TGFA: variants seen among roughly 807,000 people sequenced by gnomAD.
TGFA encodes the protein transforming growth factor alpha.
TGFA carries 12 observed loss-of-function variants against 21.7 expected under a neutral mutation model. The ratio of observed to expected loss-of-function variants is 0.55; its 90% CI spans 0.35 to 0.90. The LOEUF (loss-of-function observed/expected upper bound fraction) is 0.90. TGFA is among the 40% of genes least tolerant of loss of function. The probability of loss-of-function intolerance (pLI) is 0.01; values close to 1 mark genes in which losing one functional copy is unlikely to be tolerated. For synonymous variants in TGFA, 79 were observed against 88.1 expected, an observed-to-expected ratio of 0.90 and a Z score of 0.58; for missense variants, 178 against 210.8, an observed-to-expected ratio of 0.84 and a Z score of 0.96.
At chr2:70,542,299 C>G (rs1673157153) in intron 1 of TGFA, among the ~76,000 whole-genome samples, 2 of 152,132 alleles carry the variant, frequency 1.3e-5, no homozygotes, top group African/African-American at 4.8e-5. Flanking sequence ...CAGTTAATCT[C>G]CTATGCCTCT....
intron 1 of TGFA, 126 bp downstream of exon 1, chr2:70,553,602 T>C: frequency 7.6e-7 from 1 of 1,317,058 alleles, no homozygotes. Context: ...GCCAACCCAT[T>C]GAGACTACTC....
At chr2:70,473,060 G>A (rs1267621210) in intron 2 of TGFA, among the ~76,000 whole-genome samples, 2 of 152,154 alleles carry the variant, frequency 1.3e-5, no homozygotes, top group African/African-American at 2.4e-5. Flanking sequence ...CTGGCGGGGG[G>A]TATAAATCTG....
intron 2 of TGFA, among the ~76,000 whole-genome samples, chr2:70,496,794 C>A (rs1553498428): frequency 1.3e-5 from 2 of 152,102 alleles, no homozygotes; most frequent in East Asian, 1.9e-4. Context: ...ACTGGGGATC[C>A]ATTAATTAAC....
intron 1 of TGFA, among the ~76,000 whole-genome samples, chr2:70,551,603 G>A (rs1553506843): frequency 6.6e-6 from 1 of 152,140 alleles, no homozygotes; most frequent in East Asian, 1.9e-4. Context: ...AGCTATATGT[G>A]GGAGGCAGCA....
At chr2:70,508,314 C>A (rs782709266) in intron 2 of TGFA, among the ~76,000 whole-genome samples, 7 of 152,064 alleles carry the variant, frequency 4.6e-5, no homozygotes, top group African/African-American at 1.7e-4. Flanking sequence ...GCGTGGTAGC[C>A]GGTGCCTGTA....
intron 3 of TGFA, among the ~76,000 whole-genome samples, chr2:70,457,545 C>CTTTT (rs562850221): frequency 7.0e-6 from 1 of 143,718 alleles, no homozygotes; most frequent in Non-Finnish European, 1.5e-5. Context: ...GGCGGGACTT[C>CTTTT]TTTTTTTTTT....
At chr2:70,535,518 C>T (rs1672946618) in intron 1 of TGFA, among the ~76,000 whole-genome samples, 1 of 152,208 alleles carries the variant, frequency 6.6e-6, no homozygotes. Context: ...GTAGCTACCT[C>T]AGGTGAATTA....
intron 2 of TGFA, among the ~76,000 whole-genome samples, chr2:70,488,258 A>G (rs1408486518): frequency 6.6e-6 from 1 of 152,220 alleles, no homozygotes; most frequent in Non-Finnish European, 1.5e-5. Context: ...CTTATGCAGA[A>G]GTCACCCTGA....
intron 1 of TGFA, among the ~76,000 whole-genome samples, chr2:70,541,600 A>G (rs943245853): frequency 2.0e-5 from 3 of 152,172 alleles, no homozygotes; most frequent in Admixed American, 1.3e-4. Flanking sequence ...GAGCTCACAC[A>G]GGGAGATGGC....
chr2:70,466,690 C>A (rs1269325435), intron 2 of TGFA, among the ~76,000 whole-genome samples: 2 of 152,008 alleles, frequency 1.3e-5, no homozygotes, highest in African/African-American at 2.4e-5. Flanking sequence ...GGGTATATAC[C>A]CAAAGGAATA....
intron 2 of TGFA, among the ~76,000 whole-genome samples, chr2:70,473,001 A>G (rs571413065): frequency 1.3e-5 from 2 of 152,334 alleles, no homozygotes; most frequent in South Asian, 2.1e-4. Flanking sequence ...GAGAAAAGGC[A>G]GTAGATTAAT....
Position 70,484,004 on chromosome 2 carries a change from A to G in TGFA, c.95-18268T>C, listed in dbSNP as rs1574092460. 2.0e-5 allele frequency among the ~76,000 whole-genome samples: 3 copies of G among 152,308 alleles called. No individual in the cohort carries two copies. In the East Asian group the frequency reaches 5.8e-4, roughly 29 times the overall value. On this transcript the variant is annotated intron_variant, in intron 2 of 5. Transcript: ENST00000295400. ...AACTCAGAACTCTATGAGCCTCTCA[A>G]CTGGCCTGGCCTTATTCCCTTGTAG...
At chr2:70,510,772 C>T (rs926459778) in intron 2 of TGFA, among the ~76,000 whole-genome samples, 34 of 152,176 alleles carry the variant, frequency 2.2e-4, no homozygotes, top group African/African-American at 7.5e-4. Flanking sequence ...CAGGAAGAAA[C>T]CAATGAAATG....
At chr2:70,452,203 T>A (rs1442194237) in intron 5 of TGFA, among the ~76,000 whole-genome samples, 7 of 152,102 alleles carry the variant, frequency 4.6e-5, no homozygotes, top group African/African-American at 1.7e-4. Flanking sequence ...TTAATGACTG[T>A]CTCTTGACCC....
chr2:70,473,999 G>T (rs1462070462), intron 2 of TGFA, among the ~76,000 whole-genome samples: 1 of 152,136 alleles, frequency 6.6e-6, no homozygotes, highest in Admixed American at 6.5e-5. Flanking sequence ...GCTTAAAAGA[G>T]AACATATTTT....
At chr2:70,463,031 G>A (rs1165263287) in intron 3 of TGFA, among the ~76,000 whole-genome samples, 5 of 152,068 alleles carry the variant, frequency 3.3e-5, no homozygotes, top group African/African-American at 1.2e-4. Context: ...ATTTTGCCAA[G>A]CAGAGGCACA....
At chr2:70,513,449 C>T (rs1672166880) in intron 2 of TGFA, among the ~76,000 whole-genome samples, 1 of 152,192 alleles carries the variant, frequency 6.6e-6, no homozygotes, top group Non-Finnish European at 1.5e-5. Context: ...CCCTAGTAGA[C>T]CCTGGACTCC....
chr2:70,547,025 C>A (rs1553506007), intron 1 of TGFA, among the ~76,000 whole-genome samples: 2 of 152,114 alleles, frequency 1.3e-5, no homozygotes, highest in African/African-American at 2.4e-5. Context: ...TTTTTCTTTG[C>A]ACATTTCAAC....
rs541978671 is a variant in TGFA, at chr2:70,476,689, T to C, written c.95-10953A>G. Among the ~76,000 whole-genome samples the C allele has an allele frequency of 1.6e-3, 242 of 152,338 alleles. 3 individuals carry two copies. Among genetic ancestry groups the C allele is most frequent in the African/African-American group, 5.7e-3 (236 of 41,572 alleles). Reference sequence around the variant, plus strand: ...GTCCTCAGAACTTTTGACAGGTGCCTTTTTTCATCGGCAGTTTGCAGATGC... The same window carrying C: ...GTCCTCAGAACTTTTGACAGGTGCCCTTTTTCATCGGCAGTTTGCAGATGC... On this transcript the variant is annotated intron_variant, in intron 2 of 5. Transcript: ENST00000295400.
Sources: gnomAD v4.1 joint callset for allele counts (sites outside exome capture counted in the v4.1 genomes callset) on GRCh38, gnomAD v4.1.1 for gene constraint, MANE v1.5 for transcripts, NCBI Gene and HGNC (gene_info 2026-07-23, HGNC 2026-07-21) for gene names.